SDK2: variants seen among roughly 807,000 people sequenced by gnomAD.
SDK2 encodes the protein protein sidekick-2.
A neutral mutation model predicts 253.9 loss-of-function variants in SDK2; 105 were observed. That is an observed-to-expected ratio of 0.41 (90% CI 0.35 to 0.49). The LOEUF (loss-of-function observed/expected upper bound fraction) is 0.49, where lower values mean the gene tolerates loss of function less well. SDK2 is among the 20% of genes least tolerant of loss of function. The pLI, the probability that SDK2 is intolerant of heterozygous loss-of-function variation, is 0.06. For missense variants in SDK2, 2,608 were observed against 3,003.0 expected (o/e 0.87, Z 3.07); for synonymous variants, 1,249 against 1,234.9 (o/e 1.01, Z -0.24).
intron 18 of SDK2, among the ~76,000 whole-genome samples, chr17:73,408,424 C>G (rs1424305619): frequency 1.3e-5 from 2 of 151,696 alleles, no homozygotes; most frequent in East Asian, 3.9e-4. Context: ...CGGGGTTTCA[C>G]CGTGTTAGCC....
chr17:73,617,254 T>G (rs1162958104), intron 1 of SDK2, among the ~76,000 whole-genome samples: 3 of 88,988 alleles, frequency 3.4e-5, no homozygotes, highest in Non-Finnish European at 6.8e-5. Context: ...AGAGGCCTCC[T>G]GCAGAGGGGA....
chr17:73,641,502 A>G (rs1207982638), intron 1 of SDK2, among the ~76,000 whole-genome samples: 1 of 152,114 alleles, frequency 6.6e-6, no homozygotes, highest in Non-Finnish European at 1.5e-5. Flanking sequence ...AGTTTGCATC[A>G]TGTGACCCAT....
chr17:73,608,784 C>CA (rs1253445806), intron 1 of SDK2, among the ~76,000 whole-genome samples: 1 of 152,082 alleles, frequency 6.6e-6, no homozygotes, highest in African/African-American at 2.4e-5. Flanking sequence ...GAAGCAGCTG[C>CA]ACTAACAGCA....
intron 38 of SDK2, among the ~76,000 whole-genome samples, chr17:73,364,845 ACTCCT>A (rs1319476514): frequency 2.0e-5 from 3 of 149,742 alleles, no homozygotes; most frequent in Non-Finnish European, 4.5e-5. Flanking sequence ...TGGTCTTGGA[ACTCCT>A]GACCTCAGGT....
At position 73,398,305 on chromosome 17, in the gene SDK2, G is replaced by A. The variant is rs1432493377; in HGVS notation, c.3203+15C>T. On this transcript the variant is annotated intron_variant, in intron 23 of 44. Transcript: ENST00000392650. Reference sequence around the variant, plus strand: ...CCCTGAGGCTGCTGCCTTCTCCCCGGGCCAGTCTCATTACCTGTAGCAGGT... The same window carrying A: ...CCCTGAGGCTGCTGCCTTCTCCCCGAGCCAGTCTCATTACCTGTAGCAGGT... 6.2e-7 allele frequency: 1 copy of A among 1,612,872 alleles called. No homozygotes were observed. Among genetic ancestry groups the A allele is most frequent in the Admixed American group, 1.7e-5 (1 of 60,010 alleles).
At chr17:73,439,165 C>T (rs961235930) in intron 6 of SDK2, among the ~76,000 whole-genome samples, 4 of 152,152 alleles carry the variant, frequency 2.6e-5, no homozygotes, top group African/African-American at 9.7e-5. Context: ...CTCTTGTTCC[C>T]TCTCTTGCCA....
chr17:73,624,000 A>G (rs1417455342), intron 1 of SDK2, among the ~76,000 whole-genome samples: 4 of 152,170 alleles, frequency 2.6e-5, no homozygotes, highest in Non-Finnish European at 5.9e-5. Flanking sequence ...TTCCAGGAGG[A>G]GGACTGGGCA....
At position 73,588,387 on chromosome 17, in the gene SDK2, C is replaced by CAAA. The variant is rs1215654213; in HGVS notation, c.64+55635_64+55637dup. On this transcript the variant is annotated intron_variant, in intron 1 of 44. Coordinates refer to ENST00000392650, the MANE Select transcript of SDK2 (RefSeq NM_001144952.2). The stretch of plus-strand genomic sequence containing the variant: ...GGGCAACAAGGGCGAAACTCCATCT[C>CAAA]AAAAAAAAAAAAAAAAAAAAAAAAA... 9.3e-3 allele frequency among the ~76,000 whole-genome samples: 547 copies of CAAA among 58,922 alleles called. 12 individuals carry two copies. The highest frequency in any genetic ancestry group is 0.029 in the African/African-American group (415 of 14,526). The allele number at this position is 58,922 out of a possible 152,430, so 38.7% of individuals were successfully genotyped here.
At chr17:73,627,365 A>G (rs2046215417) in intron 1 of SDK2, among the ~76,000 whole-genome samples, 1 of 152,052 alleles carries the variant, frequency 6.6e-6, no homozygotes, top group Non-Finnish European at 1.5e-5. Flanking sequence ...TCTTAGGTTC[A>G]GTCAAATATG....
rs747863351 is a variant in SDK2 at position 73,541,828 on chromosome 17, C to T, written c.65-34231G>A. ...GGAAAATTCAAAATGTATTTAGAGC[C>T]GAGTGGAAGATCCTCGTCAATCGGG... On this transcript the variant is annotated intron_variant, in intron 1 of 44. Coordinates refer to ENST00000392650, the MANE Select transcript of SDK2 (RefSeq NM_001144952.2). The surrounding 1 kb of genome is among the most constrained non-coding windows in gnomAD (Gnocchi z 4.3). Among the ~76,000 whole-genome samples the T allele has an allele frequency of 3.3e-5, 5 of 152,098 alleles. No individual in the cohort carries two copies. Among genetic ancestry groups the T allele is most frequent in the Non-Finnish European group, 5.9e-5 (4 of 68,026 alleles).
chr17:73,583,300 G>A (rs2045560529), intron 1 of SDK2, among the ~76,000 whole-genome samples: 1 of 152,184 alleles, frequency 6.6e-6, no homozygotes, highest in Non-Finnish European at 1.5e-5. Context: ...AAATATCCAT[G>A]GATGAAGGCA....
At chr17:73,452,915 G>T (rs746222806) in intron 4 of SDK2, among the ~76,000 whole-genome samples, 1 of 152,122 alleles carries the variant, frequency 6.6e-6, no homozygotes, top group African/African-American at 2.4e-5. Context: ...CAACATCCAC[G>T]CTAAGAAACA....
rs1331847990 is a variant in SDK2 at position 73,391,478 on chromosome 17, A to T, written c.3959T>A (p.Ile1320Asn). Residue 1320 changes from isoleucine to asparagine, a missense_variant, in exon 28 of 45, where the codon ATC (isoleucine) becomes AAC (asparagine). Around this residue, in one of 2 missense-constraint regions of SDK2, gnomAD observed 1,505 missense variants for 1,859.1 expected, o/e 0.81. Coordinates refer to ENST00000392650, the MANE Select transcript of SDK2 (RefSeq NM_001144952.2). ...PEVRTTSVRLIWQPPAAPNGI... is the reference protein window; with the variant it reads ...PEVRTTSVRLNWQPPAAPNGI... ...ATTGGGGGCGGCAGGGGGCTGCCAG[A>T]TCAGCCGCACAGACGTGGTCCGCAC... 7.6e-7 allele frequency: 1 copy of T among 1,310,386 alleles called. No individual in the cohort carries two copies. Among genetic ancestry groups the T allele is most frequent in the Non-Finnish European group, 9.8e-7 (1 of 1,021,074 alleles). The allele number at this position is 1,310,386 out of a possible 1,614,324, so 81.2% of individuals were successfully genotyped here. A position where few individuals can be genotyped will look rare whatever the true frequency, so the allele number is the denominator to read the frequency against.
chr17:73,430,678 G>A, intron 11 of SDK2, 65 bp from the exon 12 acceptor site: 1 of 1,125,422 alleles, frequency 8.9e-7, no homozygotes. Flanking sequence ...TGGACTCTGG[G>A]TGGATACCAT....
chr17:73,362,202 C>T (rs1032897394), intron 38 of SDK2, among the ~76,000 whole-genome samples: 1 of 152,124 alleles, frequency 6.6e-6, no homozygotes, highest in Non-Finnish European at 1.5e-5. Flanking sequence ...AAATATGTTT[C>T]GGCTCCATTG....
chr17:73,352,652 A>C lies in SDK2; in HGVS notation c.5594-15T>G. The C allele has an allele frequency of 6.2e-7, 1 of 1,612,666 alleles. No individual in the cohort carries two copies. Among genetic ancestry groups the C allele is most frequent in the Non-Finnish European group, 8.5e-7 (1 of 1,178,828 alleles). The stretch of plus-strand genomic sequence containing the variant: ...TAGTCCCTCGTCTGCAGGAGCACAG[A>C]GATGGAGGCCCTGGGAGGTGAGGGG... On this transcript the variant is annotated splice_polypyrimidine_tract_variant and intron_variant, in intron 40 of 44. Coordinates refer to ENST00000392650, the MANE Select transcript of SDK2 (RefSeq NM_001144952.2). This position sits in a 1 kb window ranked among gnomAD's most constrained non-coding sequence, Gnocchi z 4.1.
chr17:73,477,456 C>CT (rs2145704298), intron 2 of SDK2, among the ~76,000 whole-genome samples: 1 of 152,342 alleles, frequency 6.6e-6, no homozygotes, highest in African/African-American at 2.4e-5. Flanking sequence ...TTACACTTGA[C>CT]TTTCACTTCT....
chr17:73,558,673 C>G (rs1284263976), intron 1 of SDK2, among the ~76,000 whole-genome samples: 1 of 152,178 alleles, frequency 6.6e-6, no homozygotes. Context: ...ATGAAGAAAC[C>G]AAGGCCCAAT....
At chr17:73,458,284 G>A (rs1446962499) in intron 3 of SDK2, among the ~76,000 whole-genome samples, 1 of 152,182 alleles carries the variant, frequency 6.6e-6, no homozygotes, top group Admixed American at 6.5e-5. Context: ...TAGTTCCAAC[G>A]TGAGCTAAGG....
Sources: gnomAD v4.1 joint callset for allele counts (sites outside exome capture counted in the v4.1 genomes callset) on GRCh38, gnomAD v4.1.1 for gene constraint, gnomAD v4.1.1 regional missense constraint, Gnocchi (gnomAD v3.1) non-coding constraint, MANE v1.5 for transcripts, NCBI Gene and HGNC (gene_info 2026-07-23, HGNC 2026-07-21) for gene names.